ZNF740: variants seen among roughly 807,000 people sequenced by gnomAD.
ZNF740 encodes zinc finger protein 740.
A neutral mutation model predicts 24.8 loss-of-function variants in ZNF740; 14 were observed. That is an observed-to-expected ratio of 0.56 (90% confidence interval 0.37 to 0.88). The LOEUF is 0.88. ZNF740 is among the 40% of genes least tolerant of loss of function. The probability of loss-of-function intolerance (pLI) is 0.00; values close to 1 mark genes in which losing one functional copy is unlikely to be tolerated. For missense variants in ZNF740, 201 were observed against 247.9 expected (o/e 0.81, Z 1.27); for synonymous variants, 69 against 84.0 (o/e 0.82, Z 0.98).
Position 53,188,481 on chromosome 12 carries a change from G to A in ZNF740, c.*891G>A, listed in dbSNP as rs1178718695. 2.6e-5 allele frequency: 4 copies of A among 152,646 alleles called. No homozygotes were observed. In the East Asian group the frequency reaches 7.7e-4, roughly 29 times the overall value. The allele number at this position is 152,646 out of a possible 1,614,324, so 9.5% of individuals were successfully genotyped here. A position where few individuals can be genotyped will look rare whatever the true frequency, so the allele number is the denominator to read the frequency against. On this transcript the variant is annotated 3_prime_UTR_variant, in exon 7 of 7. Transcript: ENST00000416904. ...TTGACTCCTAAAGTGAGACAGATGT[G>A]TTGAGCAAGGAGTCATGGAAGTCAA...
At position 53,187,698 on chromosome 12, in the gene ZNF740, T is replaced by C. The variant is rs1826823661; in HGVS notation, c.*108T>C. On this transcript the variant is annotated 3_prime_UTR_variant, in exon 7 of 7. Transcript: ENST00000416904. ...GCCCCATGTGAACCTGTCCCACTCC[T>C]GGAGGAGTGGACCCAGGAGACCAGA... 3.5e-6 allele frequency: 3 copies of C among 850,074 alleles called. No individual in the cohort carries two copies. Among genetic ancestry groups the C allele is most frequent in the Admixed American group, 4.2e-5 (2 of 48,160 alleles). The allele number at this position is 850,074 out of a possible 1,614,324, so 52.7% of individuals were successfully genotyped here.
At chr12:53,181,503 T>C in intron 1 of ZNF740, 174 bp from the exon 2 acceptor site, 1 of 985,308 alleles carries the variant, frequency 1.0e-6, no homozygotes, top group Non-Finnish European at 1.2e-6. Flanking sequence ...TGGCTTCCAC[T>C]CCTTGCCCAG....
chr12:53,180,742 G>T lies in ZNF740; in HGVS notation c.-403G>T, dbSNP rs1033581622. On this transcript the variant is annotated 5_prime_UTR_variant, in exon 1 of 7. Transcript: ENST00000416904. Reference sequence around the variant, plus strand: ...TGTTTGTAAACTTGCCTCGGTCCCGGTGGGGGCAGCCGCGGCGGTGGGGTT... The same window carrying T: ...TGTTTGTAAACTTGCCTCGGTCCCGTTGGGGGCAGCCGCGGCGGTGGGGTT... 7 of 1,265,862 alleles carry T rather than the reference G, an allele frequency of 5.5e-6. No homozygotes were observed. In the African/African-American group the frequency reaches 9.5e-5, roughly 17 times the overall value. 78.4% of individuals were successfully genotyped at this position (1,265,862 alleles called of 1,614,324 possible). A position where few individuals can be genotyped will look rare whatever the true frequency, so the allele number is the denominator to read the frequency against.
At position 53,191,058 on chromosome 12, in the gene ZNF740, A is replaced by T. The variant is rs1941925744; in HGVS notation, c.*3468A>T. ...AAGACGAAAAAGCACACGCAGCAGG[A>T]CGGAAGGAGGCTAGACACCAACAGA... On this transcript the variant is annotated 3_prime_UTR_variant, in exon 7 of 7. Transcript: ENST00000416904. The T allele has an allele frequency of 5.3e-6, 1 of 190,312 alleles. No individual in the cohort carries two copies. The highest frequency in any genetic ancestry group is 1.1e-5 in the Non-Finnish European group (1 of 89,718). 11.8% of individuals were successfully genotyped at this position (190,312 alleles called of 1,614,324 possible).
intron 1 of ZNF740, chr12:53,181,091 C>A (rs1941598480): frequency 2.2e-6 from 2 of 903,558 alleles, no homozygotes; most frequent in Admixed American, 1.2e-4. Context: ...GCATCTCGCG[C>A]GCTTCTCGGC....
rs967855655 is a variant in ZNF740 at position 53,184,428 on chromosome 12, C to T, written c.10-463C>T. On this transcript the variant is annotated intron_variant, in intron 2 of 6. Transcript: ENST00000416904. ...GTCTCGAACTCCTGACTTCGTGATCCGCCCGCCTCATTCTCCCAAAGTGCT... is the reference window on the plus strand; with the variant it reads ...GTCTCGAACTCCTGACTTCGTGATCTGCCCGCCTCATTCTCCCAAAGTGCT... 3.3e-4 allele frequency among the ~76,000 whole-genome samples: 50 copies of T among 152,160 alleles called. 1 individual carries two copies. The highest frequency in any genetic ancestry group is 2.6e-3 in the Admixed American group (40 of 15,296).
chr12:53,192,891 A>C lies in ZNF740; in HGVS notation c.*5301A>C. 6.2e-7 allele frequency: 1 copy of C among 1,614,078 alleles called. No individual in the cohort carries two copies. The highest frequency in any genetic ancestry group is 8.5e-7 in the Non-Finnish European group (1 of 1,179,958). ...GGTTGGCATGACAGTGACATACTCC[A>C]CATTGGCAGCGACCAAAGCCTGGGG... is the stretch of plus-strand genomic sequence containing the variant. On this transcript the variant is annotated 3_prime_UTR_variant, in exon 7 of 7. Transcript: ENST00000416904.
At position 53,192,482 on chromosome 12, in the gene ZNF740, G is replaced by A; in HGVS notation, c.*4892G>A. ...GGTCACATTGGTATGGGCACAAGCTGTACTGCAGTTGGTGGCCAGTGGGCC... is the reference window on the plus strand; with the variant it reads ...GGTCACATTGGTATGGGCACAAGCTATACTGCAGTTGGTGGCCAGTGGGCC... On this transcript the variant is annotated 3_prime_UTR_variant, in exon 7 of 7. Transcript: ENST00000416904. 5 of 1,614,202 alleles carry A rather than the reference G, an allele frequency of 3.1e-6. No homozygotes were observed. Among genetic ancestry groups the A allele is most frequent in the Non-Finnish European group, 4.2e-6 (5 of 1,180,048 alleles).
In ZNF740 at chr12:53,185,537, T is replaced by C. The variant is rs532520368; in HGVS notation, c.249+61T>C. 6.3e-4 allele frequency: 931 copies of C among 1,479,420 alleles called. 2 individuals carry two copies. The highest frequency in any genetic ancestry group is 1.1e-3 in the Middle Eastern group (5 of 4,454). 91.6% of individuals were successfully genotyped at this position (1,479,420 alleles called of 1,614,324 possible). A position where few individuals can be genotyped will look rare whatever the true frequency, so the allele number is the denominator to read the frequency against. On this transcript the variant is annotated intron_variant, in intron 4 of 6. Coordinates refer to ENST00000416904, the MANE Select transcript of ZNF740 (RefSeq NM_001004304.4). Reference sequence around the variant, plus strand: ...TTGGTAATGGGGTAATATTCCTCCTTCTTCCCTCTACCATGTAACCTGGAG... The same window carrying C: ...TTGGTAATGGGGTAATATTCCTCCTCCTTCCCTCTACCATGTAACCTGGAG...
rs372191939 is a variant in ZNF740 at position 53,193,390 on chromosome 12, G to A, written c.*5800G>A. ...TGGAAGGGGAAGGCAAAGGAGAGAAGTAGGTCAGAGGGTTTGATCACCCCT... is the reference window on the plus strand; with the variant it reads ...TGGAAGGGGAAGGCAAAGGAGAGAAATAGGTCAGAGGGTTTGATCACCCCT... On this transcript the variant is annotated 3_prime_UTR_variant, in exon 7 of 7. Transcript: ENST00000416904. The A allele has an allele frequency of 4.5e-5, 67 of 1,501,268 alleles. No individual in the cohort carries two copies. The highest frequency in any genetic ancestry group is 5.6e-5 in the African/African-American group (4 of 71,954). The allele number at this position is 1,501,268 out of a possible 1,614,324, so 93.0% of individuals were successfully genotyped here.
chr12:53,186,272 C>T (rs1941818727), intron 5 of ZNF740, 119 bp from the exon 6 acceptor site: 1 of 1,164,704 alleles, frequency 8.6e-7, no homozygotes, highest in Non-Finnish European at 1.2e-6. Flanking sequence ...GGACCTCTCC[C>T]CATTTATGAT....
chr12:53,181,163 C>A, intron 1 of ZNF740: 1 of 984,962 alleles, frequency 1.0e-6, no homozygotes, highest in Non-Finnish European at 1.2e-6. Context: ...CGGAGCGAGG[C>A]GGGCGACACG....
intron 4 of ZNF740, 116 bp from the exon 5 acceptor site, chr12:53,185,838 T>C: frequency 7.2e-7 from 1 of 1,397,100 alleles, no homozygotes; most frequent in Non-Finnish European, 9.7e-7. Context: ...GCAGCACCTT[T>C]AGACAGCATC....
In ZNF740 at chr12:53,194,081, G is replaced by A. The variant is rs1006427348; in HGVS notation, c.*6491G>A. ...ACTGCTCCAGGAAGGATGGATGGAG[G>A]ACTACCTCAGGCTCTCATGTCACTC... On this transcript the variant is annotated 3_prime_UTR_variant, in exon 7 of 7. Transcript: ENST00000416904. 17 of 1,454,006 alleles carry A rather than the reference G, an allele frequency of 1.2e-5. No homozygotes were observed. Among genetic ancestry groups the A allele is most frequent in the Non-Finnish European group, 1.4e-5 (15 of 1,052,192 alleles). 90.1% of individuals were successfully genotyped at this position (1,454,006 alleles called of 1,614,324 possible).
In ZNF740 at chr12:53,191,692, TC is replaced by T. The variant is rs1312933611; in HGVS notation, c.*4103del. 6.4e-7 allele frequency: 1 copy of T among 1,564,596 alleles called. No homozygotes were observed. On this transcript the variant is annotated 3_prime_UTR_variant, in exon 7 of 7. Coordinates refer to ENST00000416904, the MANE Select transcript of ZNF740 (RefSeq NM_001004304.4). ...AAATCCCAGGATTCCTCGTCCCCTTTCTAGACCTAAGAGGCCAGCCTTGAGC... is the reference window on the plus strand; with the variant it reads ...AAATCCCAGGATTCCTCGTCCCCTTTTAGACCTAAGAGGCCAGCCTTGAGC...
At chr12:53,180,881 G>A in intron 1 of ZNF740, 44 bp downstream of exon 1, 1 of 1,198,620 alleles carries the variant, frequency 8.3e-7, no homozygotes, top group Non-Finnish European at 1.1e-6. Context: ...CGTACAGACG[G>A]CAGCGCTTCA....
intron 1 of ZNF740, chr12:53,181,293 C>T: frequency 1.0e-6 from 1 of 985,434 alleles, no homozygotes; most frequent in South Asian, 4.7e-5. Flanking sequence ...GCCACCGAAG[C>T]ACCCAGCGAT....
In ZNF740 at chr12:53,195,041, G is replaced by A; in HGVS notation, c.*7451G>A. Reference sequence around the variant, plus strand: ...CATCTGTAAAATAGGGATGGTAACAGTTATGAAGCAAGGCTTTTGGCAGGG... The same window carrying A: ...CATCTGTAAAATAGGGATGGTAACAATTATGAAGCAAGGCTTTTGGCAGGG... On this transcript the variant is annotated 3_prime_UTR_variant, in exon 7 of 7. Transcript: ENST00000416904. 1 of 295,466 alleles carries A rather than the reference G, an allele frequency of 3.4e-6. No individual in the cohort carries two copies. The highest frequency in any genetic ancestry group is 4.4e-5 in the Admixed American group (1 of 22,546). The allele number at this position is 295,466 out of a possible 1,614,324, so 18.3% of individuals were successfully genotyped here. A position where few individuals can be genotyped will look rare whatever the true frequency, so the allele number is the denominator to read the frequency against.
In ZNF740 at chr12:53,194,308, G is replaced by A. The variant is rs1274033078; in HGVS notation, c.*6718G>A. The A allele has an allele frequency of 1.2e-6, 2 of 1,614,088 alleles. No homozygotes were observed. The highest frequency in any genetic ancestry group is 1.1e-5 in the South Asian group (1 of 91,072). ...TAAGAAATGTGGACCCCAGGAGGGA[G>A]TGAAGAGTGTTCAAGGGTCACGGTG... On this transcript the variant is annotated 3_prime_UTR_variant, in exon 7 of 7. Transcript: ENST00000416904.
Sources: allele counts gnomAD v4.1 joint callset (sites outside exome capture counted in the v4.1 genomes callset), GRCh38; gene constraint gnomAD v4.1.1; transcripts MANE v1.5; gene names NCBI Gene and HGNC (gene_info 2026-07-23, HGNC 2026-07-21).